Variants in ERCC5 observed in about 807,000 individuals in gnomAD.
The protein encoded by ERCC5 is ERCC excision repair 5, endonuclease.
ERCC5 carries 68 observed loss-of-function variants against 105.6 expected under a neutral mutation model. The ratio of observed to expected loss-of-function variants is 0.64; its 90% confidence interval spans 0.53 to 0.79. The LOEUF (loss-of-function observed/expected upper bound fraction) is 0.79. ERCC5 is among the 30% of genes least tolerant of loss of function. The pLI is 0.00. For synonymous variants in ERCC5, 546 were observed against 526.2 expected (o/e 1.04, Z -0.51); for missense variants, 1,373 against 1,426.7 (o/e 0.96, Z 0.61).
chr13:102,862,845 G>A lies in ERCC5; in HGVS notation c.1696G>A (p.Glu566Lys). 2.5e-6 allele frequency: 4 copies of A among 1,614,212 alleles called. No homozygotes were observed. The highest frequency in any genetic ancestry group is 3.4e-6 in the Non-Finnish European group (4 of 1,180,036). Residue 566 changes from glutamate to lysine, a missense_variant, in exon 8 of 15, where the codon GAA (glutamate) becomes AAA (lysine). Glu to Lys is a moderately conservative substitution (Grantham distance 56). Around this residue, in one of 3 missense-constraint regions of ERCC5, gnomAD observed 1,004 missense variants for 1,059.7 expected, o/e 0.95. Transcript: ENST00000652225. ...TTCTTCTCTTCTTTCAAGTGATGAT[G>A]AAACAAAATGTAAACCGAATTCTGC... The part of the protein sequence containing the change: ...FDSSLLSSDD[E>K]TKCKPNSASE...
At chr13:102,855,894 C>T (rs1158833993) in intron 4 of ERCC5, among the ~76,000 whole-genome samples, 158 bp from the exon 5 acceptor site, 1 of 152,196 alleles carries the variant, frequency 6.6e-6, no homozygotes, top group Non-Finnish European at 1.5e-5. Context: ...TGCTTACTTA[C>T]ACGTGTCCCC....
chr13:102,874,564 C>CT (rs772108948), intron 14 of ERCC5, among the ~76,000 whole-genome samples: 175 of 152,308 alleles, frequency 1.1e-3, no homozygotes, highest in Non-Finnish European at 2.2e-3. Context: ...CTCTGTCTCC[C>CT]AGGCTGGAGT....
Position 102,862,581 on chromosome 13 carries a change from C to T in ERCC5, c.1432C>T (p.Leu478Phe). 6.2e-7 allele frequency: 1 copy of T among 1,614,132 alleles called. No homozygotes were observed. The highest frequency in any genetic ancestry group is 1.3e-5 in the African/African-American group (1 of 75,026). Residue 478 changes from leucine (L) to phenylalanine (F), a missense_variant, in exon 8 of 15, where the codon CTT (leucine) becomes TTT (phenylalanine). This residue lies in a region of ERCC5 where 1,004 missense variants were observed against 1,059.7 expected (regional missense o/e 0.95). Transcript: ENST00000652225. ...TDSVPKEQMS[L>F]VHVGTEAFPI... ...CTCAGTTCCAAAAGAACAAATGTCA[C>T]TTGTTCACGTGGGGACTGAAGCCTT...
intron 1 of ERCC5, 46 bp downstream of exon 1, chr13:102,846,400 C>T (rs1881962466): frequency 6.5e-7 from 1 of 1,533,692 alleles, no homozygotes; most frequent in Non-Finnish European, 9.0e-7. Flanking sequence ...GGATTCGGGG[C>T]TGGATTCCTC....
chr13:102,853,236 T>C (rs1882271196), intron 2 of ERCC5, among the ~76,000 whole-genome samples: 1 of 152,210 alleles, frequency 6.6e-6, no homozygotes, highest in African/African-American at 2.4e-5. Context: ...TGGTTATTTT[T>C]ATCCGATATT....
chr13:102,874,062 T>C (rs1883117477), intron 14 of ERCC5, among the ~76,000 whole-genome samples: 4 of 152,216 alleles, frequency 2.6e-5, no homozygotes, highest in Admixed American at 2.6e-4. Context: ...TCTTTGTTTT[T>C]TGGATGACTA....
intron 3 of ERCC5, 63 bp from the exon 4 acceptor site, chr13:102,854,225 G>A: frequency 6.4e-7 from 1 of 1,564,660 alleles, no homozygotes; most frequent in Non-Finnish European, 8.8e-7. Flanking sequence ...GCCAGGTCAG[G>A]TCCCTGTTCA....
At chr13:102,874,752 C>A (rs4150373) in intron 14 of ERCC5, 2,674 of 153,816 alleles carry the variant, frequency 0.017, 41 homozygotes, top group Non-Finnish European at 0.029. Flanking sequence ...CTCGATCTGA[C>A]CTCGTGATCC....
At position 102,853,749 on chromosome 13, in the gene ERCC5, T is replaced by C. The variant is rs1434474044; in HGVS notation, c.265-8T>C. ...TGAAGTGAGATCTTACATCCTTTCT[T>C]CTCATAGGTGAAGAGAAGGCAGAGA... On this transcript the variant is annotated splice_region_variant and splice_polypyrimidine_tract_variant and intron_variant, in intron 2 of 14. Coordinates refer to ENST00000652225, the MANE Select transcript of ERCC5 (RefSeq NM_000123.4). 18 of 1,612,818 alleles carry C rather than the reference T, an allele frequency of 1.1e-5. No individual in the cohort carries two copies. The highest frequency in any genetic ancestry group is 1.4e-5 in the Non-Finnish European group (16 of 1,179,022).
rs1460687250 is a variant in ERCC5, at chr13:102,875,707, CA to C, written c.3370del (p.Thr1124ProfsTer10). ...NVQRRTAAKE[P>X]KTSASDSQNS... ...CAAAGGAGAACAGCTGCGAAAGAGCCAAAAACCAGTGCTTCAGATTCGCAGA... is the reference window on the plus strand; with the variant it reads ...CAAAGGAGAACAGCTGCGAAAGAGCCAAAACCAGTGCTTCAGATTCGCAGA... On this transcript the variant is annotated frameshift_variant, in exon 15 of 15. Coordinates refer to ENST00000652225, the MANE Select transcript of ERCC5 (RefSeq NM_000123.4). LOFTEE classifies it low-confidence loss of function (END_TRUNC). 1.2e-6 allele frequency: 2 copies of C among 1,614,026 alleles called. No individual in the cohort carries two copies. Among genetic ancestry groups the C allele is most frequent in the Non-Finnish European group, 1.7e-6 (2 of 1,179,996 alleles).
At chr13:102,872,449 T>G in intron 13 of ERCC5, 51 bp downstream of exon 13, 1 of 1,604,160 alleles carries the variant, frequency 6.2e-7, no homozygotes, top group Non-Finnish European at 8.5e-7. Context: ...AATATGTGTT[T>G]GGTTTAAAAC....
intron 12 of ERCC5, among the ~76,000 whole-genome samples, chr13:102,871,772 A>T (rs925349582): frequency 2.0e-5 from 3 of 151,260 alleles, no homozygotes; most frequent in Non-Finnish European, 4.5e-5. Flanking sequence ...AATAATACAG[A>T]TACATTACTT....
At chr13:102,861,841 C>A in intron 7 of ERCC5, 127 bp downstream of exon 7, 1 of 1,333,300 alleles carries the variant, frequency 7.5e-7, no homozygotes. Context: ...CTGTATACTG[C>A]TATTAATGGA....
intron 1 of ERCC5, chr13:102,849,061 G>C: frequency 2.1e-6 from 1 of 480,282 alleles, no homozygotes; most frequent in South Asian, 1.5e-5. Context: ...TTAAAGTAGT[G>C]GGCCAAGTAG....
In ERCC5 at chr13:102,862,368, G is replaced by A. The variant is rs1882661839; in HGVS notation, c.1219G>A (p.Asp407Asn). Residue 407 changes from aspartate to asparagine, a missense_variant, in exon 8 of 15, where the codon GAT becomes AAT. This residue lies in a region of ERCC5 where 1,004 missense variants were observed against 1,059.7 expected (regional missense o/e 0.95). Coordinates refer to ENST00000652225, the MANE Select transcript of ERCC5 (RefSeq NM_000123.4). ...DDEDVKVCAGDDVQTGGPGAE... is the reference protein window; with the variant it reads ...DDEDVKVCAGNDVQTGGPGAE... ...CGAAGATGTAAAAGTGTGTGCTGGG[G>A]ATGATGTGCAGACGGGAGGGCCAGG... 1 of 1,614,152 alleles carries A rather than the reference G, an allele frequency of 6.2e-7. No individual in the cohort carries two copies. Among genetic ancestry groups the A allele is most frequent in the Non-Finnish European group, 8.5e-7 (1 of 1,180,032 alleles).
chr13:102,867,850 C>T (rs1342685265), intron 11 of ERCC5, among the ~76,000 whole-genome samples: 1 of 152,130 alleles, frequency 6.6e-6, no homozygotes, highest in Non-Finnish European at 1.5e-5. Flanking sequence ...ATATATGTGA[C>T]TGTGGTTCAG....
rs751146568 is a variant in ERCC5 at position 102,875,549 on chromosome 13, C to T, written c.3207C>T (p.Ser1069=). ...CAAATACCTTAGAAGAGTCATCAAG[C>T]CTGAAAAGAAAGAGGCTTTCAGATT... ...GITNTLEESS[S]LKRKRLSDSK... Residue 1069 remains serine (S), a synonymous_variant, in exon 15 of 15, where the codon AGC becomes AGT. Coordinates refer to ENST00000652225, the MANE Select transcript of ERCC5 (RefSeq NM_000123.4). 18 of 1,612,856 alleles carry T rather than the reference C, an allele frequency of 1.1e-5. No homozygotes were observed. Among genetic ancestry groups the T allele is most frequent in the African/African-American group, 1.3e-5 (1 of 74,748 alleles).
In ERCC5 at chr13:102,846,342, A is replaced by G. The variant is rs371937705; in HGVS notation, c.76A>G (p.Ile26Val). ...QVSPEALEGKILAVDISIWLN... is the reference protein window; with the variant it reads ...QVSPEALEGKVLAVDISIWLN... Reference sequence around the variant, plus strand: ...CAGCCCCGAAGCGCTGGAAGGGAAGATCCTGGCTGTTGGTATCCTTAACGC... The same window carrying G: ...CAGCCCCGAAGCGCTGGAAGGGAAGGTCCTGGCTGTTGGTATCCTTAACGC... The change falls in exon 1 of 15, where the codon ATC becomes GTC. Residue 26 changes from isoleucine to valine, a missense_variant. Around this residue, in one of 3 missense-constraint regions of ERCC5, gnomAD observed 1,004 missense variants for 1,059.7 expected, o/e 0.95. Coordinates refer to ENST00000652225, the MANE Select transcript of ERCC5 (RefSeq NM_000123.4). The G allele has an allele frequency of 2.8e-4, 450 of 1,613,990 alleles. 5 individuals carry two copies. The South Asian group carries it at 4.7e-3, about 17-fold the overall frequency.
At chr13:102,860,291 T>C (rs973846790) in intron 6 of ERCC5, among the ~76,000 whole-genome samples, 1 of 152,228 alleles carries the variant, frequency 6.6e-6, no homozygotes, top group Non-Finnish European at 1.5e-5. Flanking sequence ...TGCTTAGATC[T>C]GCATAAAAAT....
Sources: gnomAD v4.1 joint callset for allele counts (sites outside exome capture counted in the v4.1 genomes callset) on GRCh38, gnomAD v4.1.1 for gene constraint, gnomAD v4.1.1 regional missense constraint, MANE v1.5 for transcripts, NCBI Gene and HGNC (gene_info 2026-07-23, HGNC 2026-07-21) for gene names.